The following TTC7B variants were observed in gnomAD, a reference collection of about 807,000 sequenced individuals.
TTC7B encodes tetratricopeptide repeat protein 7B.
Under a neutral mutation model 106.8 loss-of-function variants are expected in TTC7B, and 28 were observed. The ratio of observed to expected loss-of-function variants is 0.26; its 90% CI spans 0.19 to 0.36. The LOEUF (loss-of-function observed/expected upper bound fraction) is 0.36. TTC7B is among the 10% of genes least tolerant of loss of function. The pLI is 1.00. For synonymous variants in TTC7B, 405 were observed against 430.6 expected, an observed-to-expected ratio of 0.94 and a Z score of 0.74; for missense variants, 862 against 1,076.4, an observed-to-expected ratio of 0.80 and a Z score of 2.79.
chr14:90,691,843 A>G (rs899342460), intron 6 of TTC7B, among the ~76,000 whole-genome samples: 3 of 152,166 alleles, frequency 2.0e-5, no homozygotes, highest in Non-Finnish European at 4.4e-5. Context: ...AGGAAACCCT[A>G]TATCCTTTAG....
chr14:90,530,732 T>C lies in TTC7B; in HGVS notation c.*10636A>G, dbSNP rs1428430685. ...ACTGGAAAGGGCAAAGTTTGATGTC[T>C]TTCCTAGTACTTCCAGAAAGAACAG... On this transcript the variant is annotated 3_prime_UTR_variant, in exon 20 of 20. Coordinates refer to ENST00000328459, the MANE Select transcript of TTC7B (RefSeq NM_001010854.2). The C allele has an allele frequency of 1.3e-5, 2 of 152,238 alleles. No homozygotes were observed. Among genetic ancestry groups the C allele is most frequent in the Non-Finnish European group, 2.9e-5 (2 of 68,060 alleles). 9.4% of individuals were successfully genotyped at this position (152,238 alleles called of 1,614,324 possible).
intron 18 of TTC7B, among the ~76,000 whole-genome samples, chr14:90,587,984 T>C (rs1416059242): frequency 2.6e-5 from 4 of 152,186 alleles, no homozygotes; most frequent in African/African-American, 7.2e-5. Context: ...AATTAAGACA[T>C]ATTAAAGTCC....
chr14:90,746,414 G>A (rs78434695), intron 3 of TTC7B, among the ~76,000 whole-genome samples: 6,349 of 152,144 alleles, frequency 0.042, 173 homozygotes, highest in Non-Finnish European at 0.057. Flanking sequence ...AGAATCTTTA[G>A]TAGATGGCAC....
At chr14:90,650,834 G>A (rs1237843673) in intron 13 of TTC7B, among the ~76,000 whole-genome samples, 2 of 152,170 alleles carry the variant, frequency 1.3e-5, no homozygotes, top group Non-Finnish European at 2.9e-5. Context: ...CAGCTGCCTG[G>A]GTTGAGCTTA....
chr14:90,652,665 A>G (rs1410716402), intron 13 of TTC7B, among the ~76,000 whole-genome samples, 176 bp downstream of exon 13: 1 of 152,210 alleles, frequency 6.6e-6, no homozygotes, highest in African/African-American at 2.4e-5. Context: ...GTGCAGATTG[A>G]CACAGCAACA....
rs983850676 is a variant in TTC7B at position 90,612,962 on chromosome 14, G to A, written c.1869-2123C>T. Reference sequence around the variant, plus strand: ...CCCCTGACAATGGCACAGGATCCACGTTCCCTCCACCAGCTGGGAAACAGC... The same window carrying A: ...CCCCTGACAATGGCACAGGATCCACATTCCCTCCACCAGCTGGGAAACAGC... On this transcript the variant is annotated intron_variant, in intron 16 of 19. Transcript: ENST00000328459. Among the ~76,000 whole-genome samples, 27 of 152,280 alleles carry A rather than the reference G, an allele frequency of 1.8e-4. 1 individual carries two copies. Among genetic ancestry groups the A allele is most frequent in the South Asian group, 1.2e-3 (6 of 4,830 alleles).
At chr14:90,573,904 T>C (rs1379930401) in intron 19 of TTC7B, among the ~76,000 whole-genome samples, 1 of 152,246 alleles carries the variant, frequency 6.6e-6, no homozygotes, top group Non-Finnish European at 1.5e-5. Flanking sequence ...CGCAACCTTC[T>C]TGGCTCCCTT....
chr14:90,646,868 C>T, intron 14 of TTC7B, 83 bp downstream of exon 14: 4 of 1,256,418 alleles, frequency 3.2e-6, no homozygotes, highest in East Asian at 2.3e-5. Flanking sequence ...AGGAAGATCA[C>T]CTACCACTTC....
chr14:90,544,110 C>T (rs1889721954), intron 19 of TTC7B, among the ~76,000 whole-genome samples: 1 of 152,136 alleles, frequency 6.6e-6, no homozygotes, highest in African/African-American at 2.4e-5. Flanking sequence ...GGAAGGAGAC[C>T]CCCAGCTCTG....
rs1320470207 is a variant in TTC7B, at chr14:90,763,260, AT to A, written c.445+17477del. On this transcript the variant is annotated intron_variant, in intron 3 of 19. Coordinates refer to ENST00000328459, the MANE Select transcript of TTC7B (RefSeq NM_001010854.2). ...AAAATCATTCAACGTAAAATGCAATATTTAAAAAATAAAGCACAAAAATTAC... is the reference window on the plus strand; with the variant it reads ...AAAATCATTCAACGTAAAATGCAATATTAAAAAATAAAGCACAAAAATTAC... 6.6e-5 allele frequency among the ~76,000 whole-genome samples: 10 copies of A among 152,382 alleles called. No homozygotes were observed. The East Asian group carries it at 9.6e-4, about 15-fold the overall frequency.
At chr14:90,605,818 G>A in intron 17 of TTC7B, 2 of 1,160,234 alleles carry the variant, frequency 1.7e-6, no homozygotes, top group East Asian at 6.5e-5. Flanking sequence ...GAAACACAAA[G>A]AAAAAAATAA....
chr14:90,815,028 C>T (rs1332597750), intron 1 of TTC7B, among the ~76,000 whole-genome samples: 1 of 152,254 alleles, frequency 6.6e-6, no homozygotes, highest in Non-Finnish European at 1.5e-5. Context: ...GGACACCTGA[C>T]ATCCCTCTCC....
intron 3 of TTC7B, among the ~76,000 whole-genome samples, chr14:90,779,191 C>T (rs945516747): frequency 2.9e-4 from 44 of 152,368 alleles, no homozygotes; most frequent in Admixed American, 2.0e-4. Flanking sequence ...CAAAGTGTCC[C>T]TCTTCCTCTA....
At chr14:90,548,908 A>T (rs1176580567) in intron 19 of TTC7B, among the ~76,000 whole-genome samples, 2 of 152,130 alleles carry the variant, frequency 1.3e-5, no homozygotes, top group Non-Finnish European at 2.9e-5. Context: ...TGGGTGGATC[A>T]CAAGGTCAGG....
At chr14:90,658,246 A>G (rs1341028073) in intron 10 of TTC7B, 58 bp downstream of exon 10, 3 of 1,424,804 alleles carry the variant, frequency 2.1e-6, no homozygotes, top group African/African-American at 1.4e-5. Context: ...CATGACATTC[A>G]ACTCTTTGGC....
chr14:90,678,077 A>C (rs1886911888), intron 8 of TTC7B, among the ~76,000 whole-genome samples: 1 of 152,226 alleles, frequency 6.6e-6, no homozygotes, highest in African/African-American at 2.4e-5. Context: ...AAGAGAACAA[A>C]ACAAACATAC....
intron 3 of TTC7B, among the ~76,000 whole-genome samples, chr14:90,745,707 C>CTT (rs530213103): frequency 8.5e-5 from 12 of 140,948 alleles, no homozygotes; most frequent in African/African-American, 1.8e-4. Flanking sequence ...TTTTGTTTTT[C>CTT]TTTTTTTTTT....
intron 13 of TTC7B, 170 bp from the exon 14 acceptor site, chr14:90,647,193 A>G (rs1286422): frequency 0.89 from 546,996 of 616,526 alleles, 242,972 homozygotes; most frequent in Admixed American, 0.91. Flanking sequence ...CATGTAAACC[A>G]TTTCCCTCTT....
intron 19 of TTC7B, among the ~76,000 whole-genome samples, chr14:90,551,428 G>A (rs1412983987): frequency 6.6e-6 from 1 of 152,014 alleles, no homozygotes; most frequent in Non-Finnish European, 1.5e-5. Flanking sequence ...GGAAAATGAG[G>A]ACCCCACAAG....
Sources: gnomAD v4.1 joint callset for allele counts (sites outside exome capture counted in the v4.1 genomes callset) on GRCh38, gnomAD v4.1.1 for gene constraint, MANE v1.5 for transcripts, NCBI Gene and HGNC (gene_info 2026-07-23, HGNC 2026-07-21) for gene names.